The following PALD1 variants were observed in gnomAD, a reference collection of about 807,000 sequenced individuals.
PALD1 encodes phosphatase domain containing paladin 1.
A neutral mutation model predicts 96.0 loss-of-function variants in PALD1; 57 were observed. The observed-to-expected ratio is 0.59, with a 90% confidence interval of 0.48 to 0.74. PALD1 has a LOEUF of 0.74. Ranked by LOEUF, PALD1 falls within the 30% of genes least tolerant of loss-of-function variation. The pLI is 0.00. For synonymous variants in PALD1, 464 were observed against 473.6 expected, an observed-to-expected ratio of 0.98 and a Z score of 0.26; for missense variants, 1,063 against 1,143.7, an observed-to-expected ratio of 0.93 and a Z score of 1.02.
At chr10:70,566,115 G>A (rs1378974096) in intron 19 of PALD1, among the ~76,000 whole-genome samples, 1 of 152,132 alleles carries the variant, frequency 6.6e-6, no homozygotes, top group African/African-American at 2.4e-5. Flanking sequence ...GTTGTGGATG[G>A]TTTGAGTCTG....
At chr10:70,513,054 G>A (rs1846545005) in intron 1 of PALD1, among the ~76,000 whole-genome samples, 1 of 152,240 alleles carries the variant, frequency 6.6e-6, no homozygotes. Flanking sequence ...CTCCAGTGAG[G>A]ATGAATCCTC....
intron 1 of PALD1, among the ~76,000 whole-genome samples, chr10:70,506,651 A>G (rs1399163151): frequency 2.6e-5 from 4 of 152,130 alleles, no homozygotes; most frequent in Middle Eastern, 3.2e-3. Context: ...AGGTGCTAAC[A>G]TGTTTGGTCC....
chr10:70,530,572 C>T (rs1222611851), intron 4 of PALD1, among the ~76,000 whole-genome samples: 1 of 152,194 alleles, frequency 6.6e-6, no homozygotes, highest in Non-Finnish European at 1.5e-5. Context: ...CAAGTGCCTG[C>T]TTTCAAGGAC....
intron 1 of PALD1, among the ~76,000 whole-genome samples, chr10:70,525,478 G>A (rs552299021): frequency 4.0e-5 from 6 of 151,878 alleles, no homozygotes; most frequent in African/African-American, 1.5e-4. Context: ...TCAAATCCAA[G>A]TCTGACTTCC....
rs543301268 is a variant in PALD1 at position 70,537,384 on chromosome 10, G to A, written c.1228-427G>A. 2.0e-5 allele frequency among the ~76,000 whole-genome samples: 3 copies of A among 152,316 alleles called. 1 individual carries two copies. The highest frequency in any genetic ancestry group is 4.1e-4 in the South Asian group (2 of 4,832). On this transcript the variant is annotated intron_variant, in intron 10 of 19. Coordinates refer to ENST00000263563, the MANE Select transcript of PALD1 (RefSeq NM_014431.3). ...CTCCCAACGTGCTGGGACCACAGGC[G>A]TGAGCCACCGCACCCAGCCAGGTTC...
chr10:70,543,270 T>A (rs1201762500), intron 17 of PALD1, among the ~76,000 whole-genome samples: 1 of 152,204 alleles, frequency 6.6e-6, no homozygotes, highest in Non-Finnish European at 1.5e-5. Flanking sequence ...GTTCTTTATA[T>A]ATTCTGGAAA....
chr10:70,469,399 G>C, the PALD1 span, among the ~76,000 whole-genome samples: 1,226 of 152,300 alleles, frequency 8.0e-3, 10 homozygotes, highest in Non-Finnish European at 0.012. Flanking sequence ...ACTCCTAACT[G>C]CTGGACCGTG....
intron 1 of PALD1, among the ~76,000 whole-genome samples, chr10:70,488,528 C>T (rs2132266227): frequency 6.6e-6 from 1 of 152,336 alleles, no homozygotes; most frequent in South Asian, 2.1e-4. Flanking sequence ...GTAACACTGT[C>T]AGCAGTGTGC....
intron 1 of PALD1, among the ~76,000 whole-genome samples, chr10:70,499,003 AAT>A (rs1309322062): frequency 6.6e-6 from 1 of 152,112 alleles, no homozygotes; most frequent in African/African-American, 2.4e-5. Flanking sequence ...AGTGGCAATA[AAT>A]AGCATTTGTT....
At chr10:70,496,596 A>G (rs1462616219) in intron 1 of PALD1, among the ~76,000 whole-genome samples, 9 of 152,232 alleles carry the variant, frequency 5.9e-5, no homozygotes, top group East Asian at 1.9e-4. Context: ...AGGTATCAGT[A>G]TCGTTCATTT....
At position 70,533,021 on chromosome 10, in the gene PALD1, AAGGGAGTCCCCTGG is replaced by A; in HGVS notation, c.825_838del (p.Ser276ProfsTer20). 6.3e-7 allele frequency: 1 copy of A among 1,586,784 alleles called. No homozygotes were observed. Among genetic ancestry groups the A allele is most frequent in the Non-Finnish European group, 8.6e-7 (1 of 1,166,284 alleles). ...TACCACCGCCTGCCCCTGCCCGAGC[AAGGGAGTCCCCTGG>A]AGGCCCAGTTGGACGCCTTTGTCAG... is the stretch of plus-strand genomic sequence containing the variant. On this transcript the variant is annotated frameshift_variant, in exon 7 of 20. Transcript: ENST00000263563. LOFTEE classifies it high-confidence loss of function.
intron 1 of PALD1, among the ~76,000 whole-genome samples, chr10:70,487,685 C>T (rs1201590114): frequency 1.3e-5 from 2 of 151,334 alleles, no homozygotes; most frequent in Admixed American, 6.6e-5. Flanking sequence ...CACCACAGTA[C>T]TTTTTTTCTT....
intron 1 of PALD1, chr10:70,486,150 A>AGG (rs935038587): frequency 4.9e-6 from 1 of 204,982 alleles, no homozygotes; most frequent in African/African-American, 2.3e-5. Context: ...GAAAATCAGG[A>AGG]GGCAGGTTCT....
chr10:70,479,327 A>G (rs902681301), intron 1 of PALD1, among the ~76,000 whole-genome samples: 1 of 152,118 alleles, frequency 6.6e-6, no homozygotes, highest in Admixed American at 6.5e-5. Flanking sequence ...TGGCCTGGTG[A>G]CAATTCCACT....
intron 17 of PALD1, among the ~76,000 whole-genome samples, chr10:70,546,994 CTA>C (rs1280738583): frequency 3.9e-5 from 6 of 152,192 alleles, no homozygotes; most frequent in Non-Finnish European, 7.3e-5. Flanking sequence ...AATGGAATAA[CTA>C]AAAAGGAATC....
At chr10:70,501,879 G>C (rs1846305757) in intron 1 of PALD1, among the ~76,000 whole-genome samples, 1 of 147,734 alleles carries the variant, frequency 6.8e-6, no homozygotes, top group Admixed American at 6.9e-5. Context: ...TTGTATACAA[G>C]AGGCCTCCCC....
chr10:70,543,409 T>G (rs1258408797), intron 17 of PALD1, among the ~76,000 whole-genome samples: 1 of 152,232 alleles, frequency 6.6e-6, no homozygotes, highest in African/African-American at 2.4e-5. Context: ...GTTTTTTCTT[T>G]TGTTGCCTGT....
At position 70,564,451 on chromosome 10, in the gene PALD1, T is replaced by C. The variant is rs1019260623; in HGVS notation, c.2350T>C (p.Phe784Leu). ...GGAGCGCTATGTCTGCCTGATTCTC[T>C]TCAACGCGTACCTCCACCTGGAGAA... ...YLERYVCLIL[F>L]NAYLHLEKAD... The change falls in exon 19 of 20, where the codon TTC becomes CTC. Residue 784 changes from phenylalanine (F) to leucine (L), a missense_variant. Physicochemically the swap from Phe to Leu is conservative, Grantham distance 22. Transcript: ENST00000263563. The C allele has an allele frequency of 2.0e-5, 33 of 1,614,032 alleles. No homozygotes were observed. In the African/African-American group the frequency reaches 4.4e-4, roughly 22 times the overall value.
chr10:70,506,623 G>C lies in PALD1; in HGVS notation c.-29-19300G>C, dbSNP rs73270844. ...ATTGGGTTAAGAATTCAGTGTTTGT[G>C]ATTTCAAATCCTGCTCAAGGTGCTA... On this transcript the variant is annotated intron_variant, in intron 1 of 19. Transcript: ENST00000263563. Among the ~76,000 whole-genome samples the C allele has an allele frequency of 3.7e-3, 569 of 152,328 alleles. 4 individuals carry two copies. Among genetic ancestry groups the C allele is most frequent in the African/African-American group, 0.013 (535 of 41,560 alleles).
Sources: allele counts gnomAD v4.1 joint callset (sites outside exome capture counted in the v4.1 genomes callset), GRCh38; gene constraint gnomAD v4.1.1; transcripts MANE v1.5; gene names NCBI Gene and HGNC (gene_info 2026-07-23, HGNC 2026-07-21).